Variants in SLC2A6 observed in about 807,000 individuals in gnomAD.
The protein encoded by SLC2A6 is solute carrier family 2 member 6.
In SLC2A6, 39 loss-of-function variants were observed where a neutral mutation model predicts 47.8. That is an observed-to-expected ratio of 0.82 (90% CI 0.63 to 1.07). The LOEUF (loss-of-function observed/expected upper bound fraction) is 1.07. SLC2A6 is among the 50% of genes least tolerant of loss of function. The probability of loss-of-function intolerance (pLI) is 0.00; values close to 1 mark genes in which losing one functional copy is unlikely to be tolerated. For synonymous variants in SLC2A6, 346 were observed against 324.1 expected (o/e 1.07, Z -0.73); for missense variants, 650 against 707.6 (o/e 0.92, Z 0.92).
In SLC2A6 at chr9:133,475,079, G is replaced by C. The variant is rs1554802924; in HGVS notation, c.809C>G (p.Pro270Arg). ...SRVSWAEARA[P>R]HVCRPITVAL... ...CACGGTGATGGGCCGGCACACGTGT[G>C]GGGCCCGTGCCTCAGCCCACGATAC... The change falls in exon 6 of 10, where the codon CCA becomes CGA. Residue 270 changes from proline (P) to arginine (R), a missense_variant. Transcript: ENST00000371899. The C allele has an allele frequency of 1.3e-6, 2 of 1,591,990 alleles. No individual in the cohort carries two copies. The highest frequency in any genetic ancestry group is 1.7e-6 in the Non-Finnish European group (2 of 1,171,894).
rs781860007 is a variant in SLC2A6 at position 133,472,204 on chromosome 9, CAG to C, written c.1369-30_1369-29del. 3.7e-5 allele frequency: 60 copies of C among 1,609,202 alleles called. No homozygotes were observed. The African/African-American group carries it at 7.3e-4, about 20-fold the overall frequency. On this transcript the variant is annotated intron_variant, in intron 9 of 9. Transcript: ENST00000371899. Reference sequence around the variant, plus strand: ...GCGGGTGAAGAGCGGGGCCGGGTCACAGGGAGAAGCTCCAGGGTCCTCCTGCC... The same window carrying C: ...GCGGGTGAAGAGCGGGGCCGGGTCACGGAGAAGCTCCAGGGTCCTCCTGCC...
rs782375011 is a variant in SLC2A6 at position 133,474,067 on chromosome 9, T to C, written c.949A>G (p.Ile317Val). 3 of 1,608,190 alleles carry C rather than the reference T, an allele frequency of 1.9e-6. No individual in the cohort carries two copies. Among genetic ancestry groups the C allele is most frequent in the Non-Finnish European group, 2.5e-6 (3 of 1,178,142 alleles). Residue 317 changes from isoleucine to valine, a missense_variant, in exon 7 of 10, where the codon ATC becomes GTC. By Grantham distance (29) the Ile-to-Val change is conservative. Coordinates refer to ENST00000371899, the MANE Select transcript of SLC2A6 (RefSeq NM_017585.4). ...GACAGGAGCCGCACGGCCCCAACGA[T>C]GGCTGCGTCGTCCTTGGGGGGCTAT... ...VLLPPKDDAA[I>V]VGAVRLLSVL... is the part of the protein sequence containing the mutation.
chr9:133,478,469 G>A (rs1554803951), intron 1 of SLC2A6, 53 bp from the exon 2 acceptor site: 31 of 1,601,148 alleles, frequency 1.9e-5, no homozygotes, highest in Admixed American at 6.7e-5. Flanking sequence ...CTCCTCCAGG[G>A]ACCATTGCCT....
chr9:133,471,809 G>A lies in SLC2A6; in HGVS notation c.*212C>T. 1 of 591,810 alleles carries A rather than the reference G, an allele frequency of 1.7e-6. No individual in the cohort carries two copies. 36.7% of individuals were successfully genotyped at this position (591,810 alleles called of 1,614,324 possible). A position where few individuals can be genotyped will look rare whatever the true frequency, so the allele number is the denominator to read the frequency against. ...GCGGCCCATGGCTACGTGCAGCACT[G>A]TGGGCTGCCTGGGCTGGGGCTGTGG... is the stretch of plus-strand genomic sequence containing the variant. On this transcript the variant is annotated 3_prime_UTR_variant, in exon 10 of 10. Coordinates refer to ENST00000371899, the MANE Select transcript of SLC2A6 (RefSeq NM_017585.4).
rs1554803023 is a variant in SLC2A6 at position 133,475,390 on chromosome 9, C to G, written c.774+10G>C. On this transcript the variant is annotated intron_variant, in intron 5 of 9. Coordinates refer to ENST00000371899, the MANE Select transcript of SLC2A6 (RefSeq NM_017585.4). ...GGGCCTGCCCGGTTCGGGCGCACAC[C>G]CTCCTGCACCTGTCTCCGGACGTTG... The G allele has an allele frequency of 2.1e-5, 33 of 1,579,222 alleles. No homozygotes were observed. The highest frequency in any genetic ancestry group is 2.8e-5 in the Non-Finnish European group (33 of 1,159,856).
intron 3 of SLC2A6, 26 bp from the exon 4 acceptor site, chr9:133,476,362 G>A: frequency 6.3e-7 from 1 of 1,599,418 alleles, no homozygotes. Flanking sequence ...GCCGCACCAG[G>A]TTTTGCTGAA....
chr9:133,474,169 C>CATTG (rs1381464419), intron 6 of SLC2A6, 81 bp from the exon 7 acceptor site: 1 of 1,164,006 alleles, frequency 8.6e-7, no homozygotes, highest in Non-Finnish European at 1.2e-6. Context: ...TCCCGGCAGG[C>CATTG]ATTGCAGGGG....
At position 133,474,964 on chromosome 9, in the gene SLC2A6, C is replaced by T; in HGVS notation, c.924G>A (p.Leu308=). ...CCGGCCGGGGCTGGGCTCTCACCAG[C>T]AGGACAGCGGTGCTGTCGAAGATGG... ...LQSIFDSTAV[L]LPPKDDAAIV... is the part of the protein sequence containing the mutation. Residue 308 remains leucine (L), a synonymous_variant, in exon 6 of 10, where the codon CTG becomes CTA. Transcript: ENST00000371899. 1 of 1,548,394 alleles carries T rather than the reference C, an allele frequency of 6.5e-7. No individual in the cohort carries two copies. Among genetic ancestry groups the T allele is most frequent in the Non-Finnish European group, 8.7e-7 (1 of 1,146,796 alleles).
At chr9:133,478,075 A>G (rs1038045762) in intron 2 of SLC2A6, among the ~76,000 whole-genome samples, 179 bp downstream of exon 2, 6 of 152,052 alleles carry the variant, frequency 3.9e-5, no homozygotes, top group Admixed American at 1.3e-4. Context: ...TCAGTTCCTC[A>G]TTTCAGAGGA....
intron 2 of SLC2A6, among the ~76,000 whole-genome samples, chr9:133,477,784 A>T (rs961055841): frequency 2.0e-5 from 3 of 152,204 alleles, no homozygotes; most frequent in African/African-American, 7.2e-5. Flanking sequence ...AAACCTTGGG[A>T]ATTTTTATCT....
At chr9:133,473,283 T>G in intron 8 of SLC2A6, 33 bp from the exon 9 acceptor site, 1 of 1,551,764 alleles carries the variant, frequency 6.4e-7, no homozygotes. Context: ...TCAGGCCCTG[T>G]GGGGTGACTG....
At position 133,473,579 on chromosome 9, in the gene SLC2A6, T is replaced by C. The variant is rs782089228; in HGVS notation, c.1058A>G (p.Asn353Ser). The C allele has an allele frequency of 2.2e-5, 34 of 1,541,042 alleles. No individual in the cohort carries two copies. The highest frequency in any genetic ancestry group is 1.8e-4 in the Middle Eastern group (1 of 5,488). ...FVSAAIMFAA[N>S]LTLGLYIHFG... ...GTGGATGTACAGCCCCAGAGTCAGG[T>C]TGGCAGCAAACATGATGGCCGCTGT... is the stretch of plus-strand genomic sequence containing the variant. Residue 353 changes from asparagine to serine, a missense_variant, in exon 8 of 10, where the codon AAC (asparagine) becomes AGC (serine). Physicochemically the swap from Asn to Ser is conservative, Grantham distance 46. Transcript: ENST00000371899.
In SLC2A6 at chr9:133,475,013, G is replaced by A. The variant is rs782497210; in HGVS notation, c.875C>T (p.Thr292Met). The change falls in exon 6 of 10, where the codon ACG (threonine) becomes ATG (methionine). Residue 292 changes from threonine (T) to methionine (M), a missense_variant. Thr to Met is a moderately conservative substitution (Grantham distance 81, BLOSUM62 -1). Coordinates refer to ENST00000371899, the MANE Select transcript of SLC2A6 (RefSeq NM_017585.4). Reference protein sequence around the residue: ...MRLLQQLTGITPILVYLQSIF... With the variant: ...MRLLQQLTGIMPILVYLQSIF... ...GGACTGCAGGTAGACCAGGATGGGC[G>A]TGATGCCCGTCAGCTGCTGCAGGAG... 1.8e-5 allele frequency: 28 copies of A among 1,594,980 alleles called. 1 individual carries two copies. In the Admixed American group the frequency reaches 2.4e-4, roughly 14 times the overall value.
chr9:133,475,643 C>T (rs1843917433), intron 4 of SLC2A6, 32 bp from the exon 5 acceptor site: 2 of 1,542,806 alleles, frequency 1.3e-6, no homozygotes, highest in Non-Finnish European at 1.7e-6. Context: ...GGGGCCAGGT[C>T]CAGGCCTGGT....
At chr9:133,473,332 C>G (rs587624998) in intron 8 of SLC2A6, 82 bp from the exon 9 acceptor site, 2 of 1,536,318 alleles carry the variant, frequency 1.3e-6, no homozygotes, top group Non-Finnish European at 1.8e-6. Context: ...TGCTGGAGAC[C>G]CCCCTCTCCA....
intron 3 of SLC2A6, 156 bp from the exon 4 acceptor site, chr9:133,476,492 G>T: frequency 1.5e-6 from 1 of 650,564 alleles, no homozygotes; most frequent in Non-Finnish European, 2.8e-6. Context: ...CAAGACCTTG[G>T]GCGGCCTGCC....
At chr9:133,473,058 C>T (rs781859594) in intron 9 of SLC2A6, 47 bp downstream of exon 9, 32 of 1,558,066 alleles carry the variant, frequency 2.1e-5, no homozygotes, top group South Asian at 1.2e-5. Context: ...GGGTCCTGGC[C>T]AGTCAGAGAG....
Position 133,475,406 on chromosome 9 carries a change from C to T in SLC2A6, c.768G>A (p.Arg256=). 6.2e-7 allele frequency: 1 copy of T among 1,600,010 alleles called. No individual in the cohort carries two copies. The highest frequency in any genetic ancestry group is 1.3e-5 in the African/African-American group (1 of 74,860). Residue 256 remains arginine, a synonymous_variant, in exon 5 of 10, where the codon CGG becomes CGA. Coordinates refer to ENST00000371899, the MANE Select transcript of SLC2A6 (RefSeq NM_017585.4). The part of the protein sequence containing the change: ...WEFEQIQDNV[R]RQSSRVSWAE... Reference sequence around the variant, plus strand: ...GGCGCACACCCTCCTGCACCTGTCTCCGGACGTTGTCCTGGATCTGCTCGA... The same window carrying T: ...GGCGCACACCCTCCTGCACCTGTCTTCGGACGTTGTCCTGGATCTGCTCGA...
chr9:133,476,398 G>C, intron 3 of SLC2A6, 62 bp from the exon 4 acceptor site: 1 of 1,429,526 alleles, frequency 7.0e-7, no homozygotes, highest in Non-Finnish European at 9.8e-7. Flanking sequence ...GCCCGGCCGA[G>C]ATGGGAGAGT....
Sources: allele counts gnomAD v4.1 joint callset (sites outside exome capture counted in the v4.1 genomes callset), GRCh38; gene constraint gnomAD v4.1.1; transcripts MANE v1.5; gene names NCBI Gene and HGNC (gene_info 2026-07-23, HGNC 2026-07-21).